The following NADK2 variants were observed in gnomAD, a reference collection of about 807,000 sequenced individuals.
NADK2 encodes NAD kinase 2, mitochondrial.
A neutral mutation model predicts 62.1 loss-of-function variants in NADK2; 35 were observed. That is an observed-to-expected ratio of 0.56 (90% confidence interval 0.43 to 0.75). The LOEUF (loss-of-function observed/expected upper bound fraction) is 0.75. Ranked by LOEUF, NADK2 falls within the 30% of genes least tolerant of loss-of-function variation. The pLI, the probability that NADK2 is intolerant of heterozygous loss-of-function variation, is 0.00. For missense variants in NADK2, 439 were observed against 561.3 expected (o/e 0.78, Z 2.20); for synonymous variants, 205 against 207.9 (o/e 0.99, Z 0.12).
rs1055433328 is a variant in NADK2 at position 36,234,245 on chromosome 5, C to T, written c.301-6680G>A. On this transcript the variant is annotated intron_variant, in intron 1 of 11. Transcript: ENST00000381937. Reference sequence around the variant, plus strand: ...AAAATTAGCCGGGCATGGTGGCGCGCGCCTGTAGTCCCAGCTACACGGGAG... The same window carrying T: ...AAAATTAGCCGGGCATGGTGGCGCGTGCCTGTAGTCCCAGCTACACGGGAG... Among the ~76,000 whole-genome samples, 13 of 150,940 alleles carry T rather than the reference C, an allele frequency of 8.6e-5. No homozygotes were observed. The East Asian group carries it at 1.2e-3, about 14-fold the overall frequency.
chr5:36,211,033 A>G (rs374338685), intron 7 of NADK2, among the ~76,000 whole-genome samples: 57 of 152,244 alleles, frequency 3.7e-4, no homozygotes, highest in African/African-American at 1.3e-3. Context: ...GCACCTGGCC[A>G]AGCGCAGTGA....
At chr5:36,208,829 C>A in intron 7 of NADK2, 1 of 618,442 alleles carries the variant, frequency 1.6e-6, no homozygotes, top group South Asian at 2.0e-5. Flanking sequence ...GTTTTCAGAG[C>A]ATAGTGAAGC....
At chr5:36,240,921 G>A (rs148453758) in intron 1 of NADK2, among the ~76,000 whole-genome samples, 142 of 152,312 alleles carry the variant, frequency 9.3e-4, no homozygotes, top group African/African-American at 3.4e-3. Flanking sequence ...CAACGACCAC[G>A]TTCCAGCAAG....
At chr5:36,226,401 C>A (rs1008650956) in intron 3 of NADK2, 74 bp downstream of exon 3, 1 of 1,190,668 alleles carries the variant, frequency 8.4e-7, no homozygotes, top group Non-Finnish European at 1.2e-6. Context: ...TATAGCTAGA[C>A]CCTAGGGTAT....
At position 36,235,848 on chromosome 5, in the gene NADK2, T is replaced by G. The variant is rs115625855; in HGVS notation, c.300+5651A>C. ...ATGTTTTACAAAGATTGGTCTATTT[T>G]CCTGCATAATCCATATCTAGTGGTT... On this transcript the variant is annotated intron_variant, in intron 1 of 11. Transcript: ENST00000381937. Among the ~76,000 whole-genome samples, 890 of 151,118 alleles carry G rather than the reference T, an allele frequency of 5.9e-3. 4 individuals are homozygous for G. The highest frequency in any genetic ancestry group is 0.01 in the Middle Eastern group (3 of 290).
At chr5:36,238,253 C>T (rs2112209808) in intron 1 of NADK2, among the ~76,000 whole-genome samples, 1 of 152,288 alleles carries the variant, frequency 6.6e-6, no homozygotes, top group Middle Eastern at 3.4e-3. Context: ...GCCACAAAAT[C>T]TTCAGAAAAC....
rs762196300 is a variant in NADK2, at chr5:36,226,582, G to A, written c.390-19C>T. On this transcript the variant is annotated intron_variant, in intron 2 of 11. Transcript: ENST00000381937. The stretch of plus-strand genomic sequence containing the variant: ...CTCATTCCTAGGATAAAAAAGGAAA[G>A]GTTATATGAAATTTCCACTAATAAT... The A allele has an allele frequency of 6.4e-7, 1 of 1,566,450 alleles. No homozygotes were observed. Among genetic ancestry groups the A allele is most frequent in the South Asian group, 1.1e-5 (1 of 89,536 alleles).
chr5:36,217,659 C>A, intron 6 of NADK2, 89 bp downstream of exon 6: 2 of 351,440 alleles, frequency 5.7e-6, no homozygotes, highest in South Asian at 2.7e-5. Flanking sequence ...ACACTAAAAA[C>A]AAGTAAATTA....
At chr5:36,202,966 T>C (rs1045370541) in intron 8 of NADK2, among the ~76,000 whole-genome samples, 5 of 152,088 alleles carry the variant, frequency 3.3e-5, no homozygotes, top group African/African-American at 7.2e-5. Context: ...CCACATTTCA[T>C]ATTGAAAGCA....
At chr5:36,225,654 A>T in intron 3 of NADK2, 31 bp from the exon 4 acceptor site, 2 of 1,587,904 alleles carry the variant, frequency 1.3e-6, no homozygotes, top group Non-Finnish European at 1.7e-6. Context: ...TACAAGACAT[A>T]ACCAAATTTC....
chr5:36,202,237 A>T (rs774381029), intron 8 of NADK2, among the ~76,000 whole-genome samples: 5 of 152,054 alleles, frequency 3.3e-5, no homozygotes, highest in Non-Finnish European at 7.4e-5. Flanking sequence ...AACCTCTACT[A>T]CCAAACTGGA....
Position 36,208,732 on chromosome 5 carries a change from C to T in NADK2, c.861-1467G>A, listed in dbSNP as rs1746734712. The T allele has an allele frequency of 3.2e-6, 4 of 1,247,382 alleles. No individual in the cohort carries two copies. The Admixed American group carries it at 9.1e-5, about 28-fold the overall frequency. 77.3% of individuals were successfully genotyped at this position (1,247,382 alleles called of 1,614,324 possible). On this transcript the variant is annotated intron_variant, in intron 7 of 11. Coordinates refer to ENST00000381937, the MANE Select transcript of NADK2 (RefSeq NM_001085411.3). ...AGGAGAAAAGAAAACAAAATTGGGC[C>T]TTTAAAATGTTCTTAAATCTAAGAA... is the stretch of plus-strand genomic sequence containing the variant.
At chr5:36,235,960 G>A (rs1434198993) in intron 1 of NADK2, among the ~76,000 whole-genome samples, 1 of 151,270 alleles carries the variant, frequency 6.6e-6, no homozygotes, top group African/African-American at 2.4e-5. Flanking sequence ...CTGATATTTT[G>A]AAATTATATA....
At chr5:36,237,757 G>A (rs961891790) in intron 1 of NADK2, among the ~76,000 whole-genome samples, 2 of 152,192 alleles carry the variant, frequency 1.3e-5, no homozygotes, top group African/African-American at 4.8e-5. Flanking sequence ...CCACAACTGT[G>A]TTTCTCAGTT....
chr5:36,218,491 A>ATT (rs1747133406), intron 5 of NADK2, among the ~76,000 whole-genome samples: 1 of 152,226 alleles, frequency 6.6e-6, no homozygotes, highest in African/African-American at 2.4e-5. Context: ...GTATACAAAA[A>ATT]TATACTTCCA....
intron 5 of NADK2, among the ~76,000 whole-genome samples, chr5:36,219,124 T>C (rs1192186237): frequency 6.6e-6 from 1 of 152,212 alleles, no homozygotes; most frequent in East Asian, 1.9e-4. Context: ...ATTAGACCTA[T>C]TTGTGACTCA....
intron 6 of NADK2, among the ~76,000 whole-genome samples, chr5:36,214,693 T>C (rs564573315): frequency 1.3e-5 from 2 of 152,310 alleles, no homozygotes; most frequent in East Asian, 3.9e-4. Flanking sequence ...TGAAAAGGCC[T>C]AGTTCCTAAA....
At chr5:36,220,063 T>C (rs1747207881) in intron 4 of NADK2, among the ~76,000 whole-genome samples, 1 of 152,234 alleles carries the variant, frequency 6.6e-6, no homozygotes, top group Non-Finnish European at 1.5e-5. Flanking sequence ...TATTTAACTA[T>C]TAACTTTGGG....
rs1322735118 is a variant in NADK2 at position 36,241,577 on chromosome 5, C to A, written c.222G>T (p.Val74=). 9.8e-6 allele frequency: 15 copies of A among 1,535,210 alleles called. No homozygotes were observed. The highest frequency in any genetic ancestry group is 1.2e-5 in the Non-Finnish European group (14 of 1,150,428). The change falls in exon 1 of 12, where the codon GTG becomes GTT. Residue 74 remains valine, a synonymous_variant. Coordinates refer to ENST00000381937, the MANE Select transcript of NADK2 (RefSeq NM_001085411.3). The surrounding 1 kb of genome is among the most constrained non-coding windows in gnomAD (Gnocchi z 4.9). ...CGAACTCGTACCGGGTGGTTTTGGC[C>A]ACCACCACCACCCGGGAGGGGCGGA... is the stretch of plus-strand genomic sequence containing the variant. ...GGFRPSRVVV[V]AKTTRYEFEQ...
Sources: gnomAD v4.1 joint callset for allele counts (sites outside exome capture counted in the v4.1 genomes callset) on GRCh38, gnomAD v4.1.1 for gene constraint, Gnocchi (gnomAD v3.1) non-coding constraint, MANE v1.5 for transcripts, NCBI Gene and HGNC (gene_info 2026-07-23, HGNC 2026-07-21) for gene names.